Variants in PKIB observed in about 807,000 individuals in gnomAD.
PKIB encodes cAMP-dependent protein kinase inhibitor beta, also known as PKI-beta.
PKIB carries 2 observed loss-of-function variants against 4.5 expected under a neutral mutation model. That is an observed-to-expected ratio of 0.44 (90% CI 0.18 to 1.39). PKIB has a LOEUF of 1.39. PKIB is among the 40% of genes most tolerant of loss of function. The pLI is 0.27. For missense variants in PKIB, 94 were observed against 92.6 expected, an observed-to-expected ratio of 1.02 and a Z score of -0.06; for synonymous variants, 38 against 36.0, an observed-to-expected ratio of 1.06 and a Z score of -0.20.
rs189519742 is a variant in PKIB at position 122,577,691 on chromosome 6, C to T, written c.-247-8230C>T. ...TTAGGAGGCCAAGGCGGGCAGATCA[C>T]GAGATCAGGAGATCGAGACCATCCT... On this transcript the variant is annotated intron_variant, in intron 2 of 6. Transcript: ENST00000392491. 1.2e-3 allele frequency among the ~76,000 whole-genome samples: 181 copies of T among 152,112 alleles called. No individual in the cohort carries two copies. In the East Asian group the frequency reaches 0.012, roughly 10 times the overall value.
At chr6:122,562,749 G>T (rs1472561477) in intron 2 of PKIB, among the ~76,000 whole-genome samples, 3 of 152,006 alleles carry the variant, frequency 2.0e-5, no homozygotes, top group Non-Finnish European at 4.4e-5. Flanking sequence ...CAATTCTATT[G>T]CTGAGACTTT....
chr6:122,474,625 A>G (rs1157899515), intron 1 of PKIB, among the ~76,000 whole-genome samples: 1 of 152,268 alleles, frequency 6.6e-6, no homozygotes, highest in Non-Finnish European at 1.5e-5. Flanking sequence ...GACAAGACAT[A>G]GACTTTAACA....
chr6:122,597,274 A>T lies in PKIB; in HGVS notation c.-161+11267A>T, dbSNP rs576292319. On this transcript the variant is annotated intron_variant, in intron 3 of 6. Transcript: ENST00000392491. The stretch of plus-strand genomic sequence containing the variant: ...AGTGATCAAAGTCTCTCTGAATAAG[A>T]TTATGACATAAAGCTGGAGAGTTGA... Among the ~76,000 whole-genome samples the T allele has an allele frequency of 5.3e-4, 80 of 152,358 alleles. 2 individuals are homozygous for T. In the South Asian group the frequency reaches 0.014, roughly 27 times the overall value.
intron 2 of PKIB, among the ~76,000 whole-genome samples, chr6:122,556,848 A>G (rs1462721352): frequency 6.6e-6 from 1 of 152,220 alleles, no homozygotes; most frequent in African/African-American, 2.4e-5. Flanking sequence ...TCACAAACTA[A>G]GTGTTTTGCA....
intron 1 of PKIB, among the ~76,000 whole-genome samples, chr6:122,621,294 G>A (rs968424317): frequency 5.9e-5 from 9 of 152,096 alleles, no homozygotes; most frequent in African/African-American, 1.2e-4. Context: ...TAGGAGTACC[G>A]TTCCCTAATC....
intron 3 of PKIB, among the ~76,000 whole-genome samples, chr6:122,697,737 C>T (rs1778632041): frequency 6.6e-6 from 1 of 152,080 alleles, no homozygotes; most frequent in African/African-American, 2.4e-5. Flanking sequence ...TACCTGAGGC[C>T]TATGGGAAGG....
intron 3 of PKIB, among the ~76,000 whole-genome samples, chr6:122,709,485 G>GT (rs11331347): frequency 6.1e-4 from 90 of 148,462 alleles, no homozygotes; most frequent in Admixed American, 2.1e-3. Flanking sequence ...TCAAGTGGGA[G>GT]TTTTTTTTTT....
At chr6:122,655,890 G>C (rs542715092) in intron 2 of PKIB, among the ~76,000 whole-genome samples, 2 of 152,198 alleles carry the variant, frequency 1.3e-5, no homozygotes, top group African/African-American at 4.8e-5. Flanking sequence ...TGAGAAAGAA[G>C]TAGCTATTTA....
Position 122,587,479 on chromosome 6 carries a change from A to G in PKIB, c.-161+1472A>G, listed in dbSNP as rs1773885229. On this transcript the variant is annotated intron_variant, in intron 3 of 6. Transcript: ENST00000392491. ...CTTTGCTATTGTGAATAGTGCTGCAATAAACATACGTGTGCATGTGTCTTT... is the reference window on the plus strand; with the variant it reads ...CTTTGCTATTGTGAATAGTGCTGCAGTAAACATACGTGTGCATGTGTCTTT... Among the ~76,000 whole-genome samples the G allele has an allele frequency of 4.6e-5, 7 of 152,310 alleles. No homozygotes were observed. In the South Asian group the frequency reaches 1.2e-3, roughly 27 times the overall value.
Position 122,531,964 on chromosome 6 carries a change from G to T in PKIB, c.-247-53957G>T, listed in dbSNP as rs551346706. 2.0e-5 allele frequency among the ~76,000 whole-genome samples: 3 copies of T among 152,162 alleles called. No individual in the cohort carries two copies. The South Asian group carries it at 6.2e-4, about 32-fold the overall frequency. ...TATGATGCAATGTTACTTGACTTTT[G>T]TGTAGCTCTATGATACAGACTTACC... On this transcript the variant is annotated intron_variant, in intron 2 of 6. Transcript: ENST00000392491.
intron 2 of PKIB, among the ~76,000 whole-genome samples, chr6:122,657,386 G>T (rs1271695911): frequency 1.3e-5 from 2 of 152,284 alleles, no homozygotes; most frequent in East Asian, 1.9e-4. Flanking sequence ...GCTTGCAATA[G>T]ATGTTAGTGA....
At chr6:122,557,575 T>G (rs197686) in intron 2 of PKIB, among the ~76,000 whole-genome samples, 98,362 of 152,040 alleles carry the variant, frequency 0.65, 32,236 homozygotes, top group South Asian at 0.83. Flanking sequence ...GAAGTCTTTG[T>G]GGCTAGACAA....
intron 2 of PKIB, chr6:122,585,566 A>T (rs1773826114): frequency 6.6e-6 from 1 of 152,162 alleles, no homozygotes; most frequent in African/African-American, 2.4e-5. Context: ...AAAAATTGTT[A>T]TAGTTTTCTT....
At chr6:122,693,563 T>G (rs7771724) in intron 3 of PKIB, among the ~76,000 whole-genome samples, 72,553 of 151,620 alleles carry the variant, frequency 0.48, 18,071 homozygotes, top group Non-Finnish European at 0.56. Flanking sequence ...TGCTGCCTAA[T>G]ATATAAATAT....
At chr6:122,690,938 T>TTC (rs1778322482) in intron 3 of PKIB, among the ~76,000 whole-genome samples, 1 of 146,126 alleles carries the variant, frequency 6.8e-6, no homozygotes, top group Non-Finnish European at 1.5e-5. Context: ...ATATATTTTT[T>TTC]TTTTTTTTTG....
At chr6:122,700,256 T>C (rs768771220) in intron 3 of PKIB, among the ~76,000 whole-genome samples, 15,658 of 67,848 alleles carry the variant, frequency 0.23, 451 homozygotes, top group Non-Finnish European at 0.33. Context: ...TCTTTCTTTT[T>C]TTTTTTTTTT....
chr6:122,644,626 A>C (rs987041321), intron 2 of PKIB: 1 of 152,180 alleles, frequency 6.6e-6, no homozygotes, highest in Non-Finnish European at 1.5e-5. Flanking sequence ...CTGTACAGCT[A>C]ATTATTTAAT....
rs139688580 is a variant in PKIB, at chr6:122,725,035, C to T, written c.170-93C>T. On this transcript the variant is annotated intron_variant, in intron 4 of 4. Transcript: ENST00000368452. ...ATCTGAATTGAGGGCAAAATATGGA[C>T]GGTGGACAAAGGAAAAACCAATGGT... 449 of 956,726 alleles carry T rather than the reference C, an allele frequency of 4.7e-4. 3 individuals are homozygous for T. The African/African-American group carries it at 5.6e-3, about 12-fold the overall frequency. The allele number at this position is 956,726 out of a possible 1,614,324, so 59.3% of individuals were successfully genotyped here.
intron 2 of PKIB, among the ~76,000 whole-genome samples, chr6:122,523,750 T>C (rs895574765): frequency 2.0e-5 from 3 of 151,206 alleles, no homozygotes; most frequent in African/African-American, 7.3e-5. Flanking sequence ...GCCACTGCAC[T>C]CCAGCATGGG....
Sources: allele counts gnomAD v4.1 joint callset (sites outside exome capture counted in the v4.1 genomes callset), GRCh38; gene constraint gnomAD v4.1.1; transcripts MANE v1.5; gene names NCBI Gene and HGNC (gene_info 2026-07-23, HGNC 2026-07-21).